Variants in PLEKHM3 observed in about 807,000 individuals in gnomAD.
The protein encoded by PLEKHM3 is pleckstrin homology domain containing M3.
A neutral mutation model predicts 81.8 loss-of-function variants in PLEKHM3; 45 were observed. That is an observed-to-expected ratio of 0.55 (90% CI 0.43 to 0.71). The LOEUF (loss-of-function observed/expected upper bound fraction) is 0.71, where lower values mean the gene tolerates loss of function less well. Ranked by LOEUF, PLEKHM3 falls within the 30% of genes least tolerant of loss-of-function variation. The probability of loss-of-function intolerance (pLI) is 0.00; values close to 1 mark genes in which losing one functional copy is unlikely to be tolerated. For missense variants in PLEKHM3, 788 were observed against 924.3 expected, an observed-to-expected ratio of 0.85 and a Z score of 1.91; for synonymous variants, 352 against 356.4, an observed-to-expected ratio of 0.99 and a Z score of 0.14.
At chr2:208,009,155 CT>C (rs1344429255) in intron 1 of PLEKHM3, among the ~76,000 whole-genome samples, 1 of 152,218 alleles carries the variant, frequency 6.6e-6, no homozygotes, top group Non-Finnish European at 1.5e-5. Context: ...CATTCTAGGC[CT>C]TTCACAATCT....
At chr2:207,901,189 C>T (rs1040606567) in intron 6 of PLEKHM3, 26 of 696,524 alleles carry the variant, frequency 3.7e-5, no homozygotes, top group Non-Finnish European at 6.3e-5. Flanking sequence ...GATCTGGCTT[C>T]CACAAAAGGC....
At chr2:207,924,172 T>C (rs554468749) in intron 5 of PLEKHM3, among the ~76,000 whole-genome samples, 22 of 151,496 alleles carry the variant, frequency 1.5e-4, no homozygotes, top group Non-Finnish European at 2.9e-4. Flanking sequence ...CCCAAAGTGC[T>C]GGGATTACAA....
chr2:207,832,779 G>C (rs1041568016), intron 7 of PLEKHM3, among the ~76,000 whole-genome samples: 1 of 145,576 alleles, frequency 6.9e-6, no homozygotes, highest in Non-Finnish European at 1.5e-5. Context: ...GCAACAGAGC[G>C]AGACTCCCTC....
rs1019243349 is a variant in PLEKHM3, at chr2:207,950,355, T to C, written c.1547-3843A>G. ...GAGTCTGTTCTTGCCTAGGCACCAC[T>C]GTGACCCTGACCATCAAATTATCTA... On this transcript the variant is annotated intron_variant, in intron 3 of 7. Coordinates refer to ENST00000427836, the MANE Select transcript of PLEKHM3 (RefSeq NM_001080475.3). Among the ~76,000 whole-genome samples the C allele has an allele frequency of 2.6e-5, 4 of 152,226 alleles. 1 individual carries two copies. In the South Asian group the frequency reaches 8.3e-4, roughly 31 times the overall value.
At chr2:207,838,725 C>T (rs1039587874) in intron 7 of PLEKHM3, among the ~76,000 whole-genome samples, 11 of 152,028 alleles carry the variant, frequency 7.2e-5, no homozygotes, top group East Asian at 3.9e-4. Flanking sequence ...ATATAATTCT[C>T]GAGAAACAAA....
At chr2:207,889,465 A>ACACACC (rs1553549508) in intron 6 of PLEKHM3, among the ~76,000 whole-genome samples, 16 of 117,368 alleles carry the variant, frequency 1.4e-4, no homozygotes, top group African/African-American at 4.2e-4. Context: ...ACACACACAC[A>ACACACC]CACACACACA....
chr2:207,906,105 A>T (rs1450865699), intron 6 of PLEKHM3, among the ~76,000 whole-genome samples: 1 of 152,244 alleles, frequency 6.6e-6, no homozygotes, highest in Non-Finnish European at 1.5e-5. Context: ...TCCCTCAAAG[A>T]GTACTCACTT....
chr2:207,994,443 G>C (rs1053653196), intron 2 of PLEKHM3, among the ~76,000 whole-genome samples: 1 of 152,092 alleles, frequency 6.6e-6, no homozygotes, highest in Non-Finnish European at 1.5e-5. Context: ...CAGTAGTGAA[G>C]AGCATGTCTT....
intron 5 of PLEKHM3, among the ~76,000 whole-genome samples, chr2:207,927,334 G>A (rs1406695971): frequency 6.6e-6 from 1 of 152,090 alleles, no homozygotes; most frequent in Non-Finnish European, 1.5e-5. Context: ...TGGGCAACAT[G>A]GTGAAAGCCC....
intron 5 of PLEKHM3, among the ~76,000 whole-genome samples, chr2:207,918,452 G>C (rs1339618564): frequency 1.3e-5 from 2 of 152,176 alleles, no homozygotes; most frequent in African/African-American, 2.4e-5. Flanking sequence ...AACCTGGGAG[G>C]CGGAGCTTGC....
intron 6 of PLEKHM3, among the ~76,000 whole-genome samples, chr2:207,891,629 G>A (rs1203004379): frequency 6.6e-6 from 1 of 152,144 alleles, no homozygotes; most frequent in Admixed American, 6.5e-5. Flanking sequence ...ACTCGGGACC[G>A]AGCAGTCCTA....
At chr2:207,935,111 T>C (rs368035872) in intron 4 of PLEKHM3, among the ~76,000 whole-genome samples, 3 of 152,176 alleles carry the variant, frequency 2.0e-5, no homozygotes, top group Non-Finnish European at 4.4e-5. Flanking sequence ...CTAGTAAAGA[T>C]AATCTAATTC....
chr2:207,918,952 C>T (rs1689092296), intron 5 of PLEKHM3, among the ~76,000 whole-genome samples: 1 of 151,970 alleles, frequency 6.6e-6, no homozygotes, highest in African/African-American at 2.4e-5. Flanking sequence ...AAATAAAATA[C>T]CATGTTTAAT....
chr2:207,868,593 G>A (rs1343963241), intron 6 of PLEKHM3: 1 of 152,220 alleles, frequency 6.6e-6, no homozygotes. Flanking sequence ...AGGGTTGAGA[G>A]AAGGATCAGA....
intron 4 of PLEKHM3, among the ~76,000 whole-genome samples, chr2:207,934,231 C>T (rs1179404624): frequency 1.3e-5 from 2 of 152,128 alleles, no homozygotes; most frequent in African/African-American, 4.8e-5. Context: ...CAACTAAGAG[C>T]TAAGAGCTAC....
At chr2:208,009,080 C>A (rs1035230201) in intron 1 of PLEKHM3, among the ~76,000 whole-genome samples, 5 of 152,164 alleles carry the variant, frequency 3.3e-5, no homozygotes, top group African/African-American at 1.2e-4. Context: ...GGACACTGTT[C>A]TGGGCACCAG....
At chr2:207,881,244 T>C (rs920197594) in intron 6 of PLEKHM3, among the ~76,000 whole-genome samples, 4 of 152,242 alleles carry the variant, frequency 2.6e-5, no homozygotes, top group African/African-American at 9.6e-5. Flanking sequence ...GATTATTTAG[T>C]AAGTTTTTAA....
At chr2:207,894,570 TG>T (rs972016963) in intron 6 of PLEKHM3, among the ~76,000 whole-genome samples, 4 of 14,966 alleles carry the variant, frequency 2.7e-4, no homozygotes, top group Admixed American at 7.8e-4. Flanking sequence ...GTGGTTGGGG[TG>T]GGGGGGTGGG....
At chr2:207,937,066 A>T (rs1265110864) in intron 4 of PLEKHM3, among the ~76,000 whole-genome samples, 2 of 152,182 alleles carry the variant, frequency 1.3e-5, no homozygotes, top group African/African-American at 4.8e-5. Context: ...GCCTCTGAGA[A>T]GAATGGGGTG....
Sources: allele counts gnomAD v4.1 joint callset (sites outside exome capture counted in the v4.1 genomes callset), GRCh38; gene constraint gnomAD v4.1.1; transcripts MANE v1.5; gene names NCBI Gene and HGNC (gene_info 2026-07-23, HGNC 2026-07-21).